MSI1: variants seen among roughly 807,000 people sequenced by gnomAD.
MSI1 encodes the protein RNA-binding protein Musashi homolog 1.
Under a neutral mutation model 54.4 loss-of-function variants are expected in MSI1, and 15 were observed. That is an observed-to-expected ratio of 0.28 (90% CI 0.18 to 0.42). MSI1 has a LOEUF of 0.42. Ranked by LOEUF, MSI1 falls within the 20% of genes least tolerant of loss-of-function variation. MSI1 has a pLI of 1.00. For synonymous variants in MSI1, 200 were observed against 196.5 expected (o/e 1.02, Z -0.15); for missense variants, 304 against 506.0 (o/e 0.60, Z 3.83).
intron 5 of MSI1, among the ~76,000 whole-genome samples, chr12:120,363,557 C>A (rs1018969438): frequency 6.6e-6 from 1 of 152,108 alleles, no homozygotes; most frequent in Admixed American, 6.5e-5. Flanking sequence ...CCCAACACAA[C>A]CTCTGGCAGC....
intron 10 of MSI1, among the ~76,000 whole-genome samples, chr12:120,352,286 C>T (rs962175875): frequency 3.9e-5 from 6 of 152,120 alleles, no homozygotes; most frequent in African/African-American, 1.2e-4. Context: ...GGATTACAGG[C>T]GTGAGTCACC....
chr12:120,343,560 T>C (rs1011229756), intron 14 of MSI1, among the ~76,000 whole-genome samples: 3 of 152,074 alleles, frequency 2.0e-5, no homozygotes, highest in African/African-American at 7.2e-5. Context: ...TGGATGCCTC[T>C]TTCCCCAGAT....
rs776844870 is a variant in MSI1 at position 120,357,038 on chromosome 12, G to A, written c.535-19C>T. The A allele has an allele frequency of 6.2e-7, 1 of 1,606,346 alleles. No individual in the cohort carries two copies. The highest frequency in any genetic ancestry group is 2.2e-5 in the East Asian group (1 of 44,852). ...ATTCCACCTGCAATGAGACCTGGCG[G>A]TTAGTCTTTCCCACAGAGCTAGAGT... is the stretch of plus-strand genomic sequence containing the variant. On this transcript the variant is annotated intron_variant, in intron 8 of 14. Coordinates refer to ENST00000257552, the MANE Select transcript of MSI1 (RefSeq NM_002442.4).
In MSI1 at chr12:120,356,915, G is replaced by A. The variant is rs1020607614; in HGVS notation, c.639C>T (p.Gly213=). Residue 213 remains glycine, a synonymous_variant, in exon 9 of 15, where the codon GGC becomes GGT. Coordinates refer to ENST00000257552, the MANE Select transcript of MSI1 (RefSeq NM_002442.4). ...GCTCGCGCATACCCAGCATGCCGAT[G>A]CCCAGCATGAAGGCGTCCATTCCGT... ...MPYGMDAFML[G]IGMLGYPGFQ... The A allele has an allele frequency of 7.4e-6, 12 of 1,613,744 alleles. No individual in the cohort carries two copies. Among genetic ancestry groups the A allele is most frequent in the Non-Finnish European group, 1.0e-5 (12 of 1,179,918 alleles).
rs1300474468 is a variant in MSI1 at position 120,368,331 on chromosome 12, C to A, written c.101-58G>T. 79 of 1,521,478 alleles carry A rather than the reference C, an allele frequency of 5.2e-5. 1 individual carries two copies. The highest frequency in any genetic ancestry group is 6.6e-5 in the Non-Finnish European group (75 of 1,128,832). The allele number at this position is 1,521,478 out of a possible 1,614,324, so 94.2% of individuals were successfully genotyped here. On this transcript the variant is annotated intron_variant, in intron 2 of 14. Transcript: ENST00000257552. This position sits in a 1 kb window ranked among gnomAD's most constrained non-coding sequence, Gnocchi z 6.6. ...GGGCCCCGCGCCCTTCCCCCCCCCCCGTCCTTTGCCCCCGGTGACCCCGGA... is the reference window on the plus strand; with the variant it reads ...GGGCCCCGCGCCCTTCCCCCCCCCCAGTCCTTTGCCCCCGGTGACCCCGGA...
chr12:120,351,677 CTTTTCTGTTTCTTTTCT>C (rs1486522039), intron 10 of MSI1, among the ~76,000 whole-genome samples: 60 of 150,594 alleles, frequency 4.0e-4, no homozygotes, highest in Admixed American at 3.6e-3. Context: ...TTGTTTCCTT[CTTTTCTGTTTCTTTTCT>C]TTTTCTTTCT....
intron 7 of MSI1, among the ~76,000 whole-genome samples, chr12:120,358,381 GGCACAGATACCCCCTTTT>G (rs533614456): frequency 9.3e-4 from 141 of 152,186 alleles, no homozygotes; most frequent in African/African-American, 3.2e-3. Context: ...CAGATATTTA[GGCACAGATACCCCCTTTT>G]GCACAGATAC....
chr12:120,349,259 C>A (rs1458783718), intron 11 of MSI1, among the ~76,000 whole-genome samples: 1 of 151,964 alleles, frequency 6.6e-6, no homozygotes, highest in African/African-American at 2.4e-5. Flanking sequence ...TCATGCCTGG[C>A]TAATTTTTTT....
intron 6 of MSI1, among the ~76,000 whole-genome samples, chr12:120,361,209 A>G (rs1484287649): frequency 6.6e-6 from 1 of 152,074 alleles, no homozygotes; most frequent in Admixed American, 6.5e-5. Context: ...CTGGAGGTCA[A>G]TCATTTTTTG....
At chr12:120,363,999 A>G (rs1269911962) in intron 5 of MSI1, among the ~76,000 whole-genome samples, 8 of 152,194 alleles carry the variant, frequency 5.3e-5, no homozygotes, top group Non-Finnish European at 1.0e-4. Flanking sequence ...ATGTTCCGCA[A>G]TCAGTCTCTC....
At chr12:120,344,152 G>A (rs114014112) in intron 14 of MSI1, among the ~76,000 whole-genome samples, 6 of 152,152 alleles carry the variant, frequency 3.9e-5, no homozygotes, top group South Asian at 4.2e-4. Context: ...CACTGCGCCC[G>A]GCCAAGGTAT....
chr12:120,348,087 CT>C (rs111576066), intron 11 of MSI1, among the ~76,000 whole-genome samples: 2,133 of 152,108 alleles, frequency 0.014, 49 homozygotes, highest in African/African-American at 0.049. Context: ...CCCCTCGCCC[CT>C]GTCTCCTGAG....
chr12:120,347,443 C>T lies in MSI1; in HGVS notation c.859+3G>A. 2 of 1,614,068 alleles carry T rather than the reference C, an allele frequency of 1.2e-6. No individual in the cohort carries two copies. The highest frequency in any genetic ancestry group is 1.1e-5 in the South Asian group (1 of 91,078). On this transcript the variant is annotated splice_donor_region_variant and intron_variant, in intron 12 of 14. Coordinates refer to ENST00000257552, the MANE Select transcript of MSI1 (RefSeq NM_002442.4). ...TCTCTTCCTGCACCTCAGAAGAGCT[C>T]ACCTGTCCCTCGAACCACAGCCGCT...
Position 120,353,083 on chromosome 12 carries a change from A to G in MSI1, c.733+216T>C, listed in dbSNP as rs573069547. Among the ~76,000 whole-genome samples, 1,275 of 146,096 alleles carry G rather than the reference A, an allele frequency of 8.7e-3. 13 individuals carry two copies. Among genetic ancestry groups the G allele is most frequent in the Non-Finnish European group, 0.014 (893 of 65,860 alleles). ...GGATGGCCTGGGAGAAAACGGTGCCATGCAGGGCCACGCTGGGAGCCCCTG... is the reference window on the plus strand; with the variant it reads ...GGATGGCCTGGGAGAAAACGGTGCCGTGCAGGGCCACGCTGGGAGCCCCTG... On this transcript the variant is annotated intron_variant, in intron 10 of 14. Coordinates refer to ENST00000257552, the MANE Select transcript of MSI1 (RefSeq NM_002442.4).
chr12:120,356,643 G>A (rs974716413), intron 9 of MSI1, among the ~76,000 whole-genome samples: 1 of 152,224 alleles, frequency 6.6e-6, no homozygotes, highest in Non-Finnish European at 1.5e-5. Context: ...GGATGGACGA[G>A]AGAATGGACA....
chr12:120,362,450 G>A (rs1264844295), intron 6 of MSI1, among the ~76,000 whole-genome samples: 2 of 152,122 alleles, frequency 1.3e-5, no homozygotes, highest in African/African-American at 4.8e-5. Context: ...CCTCTTCAGA[G>A]GCCCAGAAAT....
rs1873674528 is a variant in MSI1, at chr12:120,341,633, CTCTTT to C, written c.*1489_*1493del. 6.6e-6 allele frequency: 1 copy of C among 151,608 alleles called. No homozygotes were observed. Among genetic ancestry groups the C allele is most frequent in the Non-Finnish European group, 1.5e-5 (1 of 67,842 alleles). The allele number at this position is 151,608 out of a possible 1,614,324, so 9.4% of individuals were successfully genotyped here. On this transcript the variant is annotated 3_prime_UTR_variant, in exon 15 of 15. Coordinates refer to ENST00000257552, the MANE Select transcript of MSI1 (RefSeq NM_002442.4). Reference sequence around the variant, plus strand: ...AATAAAAACCAATAAAATGCAGCTTCTCTTTTATTAGGAAACATTAAAAAAAAAAA... The same window carrying C: ...AATAAAAACCAATAAAATGCAGCTTCTATTAGGAAACATTAAAAAAAAAAA...
rs568096333 is a variant in MSI1 at position 120,356,451 on chromosome 12, C to T, written c.652+451G>A. 3.9e-5 allele frequency among the ~76,000 whole-genome samples: 6 copies of T among 152,292 alleles called. No homozygotes were observed. In the South Asian group the frequency reaches 1.0e-3, roughly 26 times the overall value. On this transcript the variant is annotated intron_variant, in intron 9 of 14. Transcript: ENST00000257552. ...GTCACGGTCAAGTTCCCTGTGACCA[C>T]ACTCCCTCGGCACCCTACACTTCTG...
At position 120,342,562 on chromosome 12, in the gene MSI1, C is replaced by G. The variant is rs903608764; in HGVS notation, c.*565G>C. Reference sequence around the variant, plus strand: ...CACACCCAGATAGACACTTTGTTCTCAGCTGGTGGGGGGCACCTGGCCCCT... The same window carrying G: ...CACACCCAGATAGACACTTTGTTCTGAGCTGGTGGGGGGCACCTGGCCCCT... On this transcript the variant is annotated 3_prime_UTR_variant, in exon 15 of 15. Coordinates refer to ENST00000257552, the MANE Select transcript of MSI1 (RefSeq NM_002442.4). 5.3e-5 allele frequency: 8 copies of G among 151,286 alleles called. No individual in the cohort carries two copies. Among genetic ancestry groups the G allele is most frequent in the African/African-American group, 2.0e-4 (8 of 40,984 alleles). 9.4% of individuals were successfully genotyped at this position (151,286 alleles called of 1,614,324 possible).
Sources: allele counts gnomAD v4.1 joint callset (sites outside exome capture counted in the v4.1 genomes callset), GRCh38; gene constraint gnomAD v4.1.1; non-coding constraint Gnocchi (gnomAD v3.1); transcripts MANE v1.5; gene names NCBI Gene and HGNC (gene_info 2026-07-23, HGNC 2026-07-21).